The following FREM2 variants were observed in gnomAD, a reference collection of about 807,000 sequenced individuals.
FREM2 encodes FRAS1-related extracellular matrix protein 2.
In FREM2, 119 loss-of-function variants were observed where a neutral mutation model predicts 219.9. The ratio of observed to expected loss-of-function variants is 0.54; its 90% CI spans 0.47 to 0.63. FREM2 has a LOEUF of 0.63. Ranked by LOEUF, FREM2 falls within the 30% of genes least tolerant of loss-of-function variation. The pLI is 0.00. For synonymous variants in FREM2, 1,562 were observed against 1,522.8 expected, an observed-to-expected ratio of 1.03 and a Z score of -0.60; for missense variants, 4,030 against 3,993.6, an observed-to-expected ratio of 1.01 and a Z score of -0.25.
chr13:38,782,431 G>GGAGT, intron 4 of FREM2, among the ~76,000 whole-genome samples: 1 of 152,218 alleles, frequency 6.6e-6, no homozygotes, highest in Admixed American at 6.5e-5. Context: ...TATTCTGTCA[G>GGAGT]GAGTGAAAGG....
In FREM2 at chr13:38,881,395, T is replaced by C. The variant is rs1878543800; in HGVS notation, c.*608T>C. The C allele has an allele frequency of 6.4e-6, 1 of 155,366 alleles. No homozygotes were observed. The highest frequency in any genetic ancestry group is 2.0e-4 in the South Asian group (1 of 4,992). The allele number at this position is 155,366 out of a possible 1,614,324, so 9.6% of individuals were successfully genotyped here. A position where few individuals can be genotyped will look rare whatever the true frequency, so the allele number is the denominator to read the frequency against. On this transcript the variant is annotated 3_prime_UTR_variant, in exon 24 of 24. Transcript: ENST00000280481. Reference sequence around the variant, plus strand: ...GGGAAGGAAGTTCACTCACTTGAATTTGAATTGCTTCTCATTCTCATCAGA... The same window carrying C: ...GGGAAGGAAGTTCACTCACTTGAATCTGAATTGCTTCTCATTCTCATCAGA...
chr13:38,796,104 G>A (rs1442187049), intron 6 of FREM2, among the ~76,000 whole-genome samples: 1 of 152,016 alleles, frequency 6.6e-6, no homozygotes, highest in African/African-American at 2.4e-5. Context: ...TAGATAATGG[G>A]CAGAATCCAA....
chr13:38,846,455 G>A (rs1401392071), intron 6 of FREM2, 118 bp from the exon 7 acceptor site: 8 of 1,015,162 alleles, frequency 7.9e-6, no homozygotes, highest in South Asian at 1.4e-5. Flanking sequence ...AAGGAAAAAA[G>A]TATGATGATA....
At chr13:38,791,142 G>A (rs945447654) in intron 6 of FREM2, among the ~76,000 whole-genome samples, 3 of 152,112 alleles carry the variant, frequency 2.0e-5, no homozygotes, top group Non-Finnish European at 4.4e-5. Context: ...ATTTAATTTG[G>A]AACCAGTGAA....
chr13:38,713,876 C>T (rs1870878179), intron 2 of FREM2, among the ~76,000 whole-genome samples: 1 of 152,202 alleles, frequency 6.6e-6, no homozygotes, highest in African/African-American at 2.4e-5. Context: ...GACTTACCCA[C>T]TTGGGGGAAA....
intron 6 of FREM2, among the ~76,000 whole-genome samples, chr13:38,801,269 T>G (rs565602835): frequency 3.0e-4 from 45 of 152,342 alleles, no homozygotes; most frequent in African/African-American, 1.0e-3. Flanking sequence ...CTATTGTTTT[T>G]CAGAATTATC....
rs146017110 is a variant in FREM2 at position 38,859,557 on chromosome 13, A to T, written c.7486A>T (p.Met2496Leu). 3.1e-6 allele frequency: 5 copies of T among 1,613,020 alleles called. No homozygotes were observed. The African/African-American group carries it at 5.3e-5, about 17-fold the overall frequency. ...CAATGGGGATGAAGGCCTGGAGCTCATGAGCCCTATTGTAACCATCAGCAG... is the reference window on the plus strand; with the variant it reads ...CAATGGGGATGAAGGCCTGGAGCTCTTGAGCCCTATTGTAACCATCAGCAG... ...NTNGDEGLEL[M>L]SPIVTISREE... is the part of the protein sequence containing the mutation. The change falls in exon 14 of 24, where the codon ATG (methionine) becomes TTG (leucine). Residue 2496 changes from methionine (M) to leucine (L), a missense_variant. Physicochemically the swap from Met to Leu is conservative, Grantham distance 15. This residue lies in a region of FREM2 where 928 missense variants were observed against 1,042.9 expected (regional missense o/e 0.89). Coordinates refer to ENST00000280481, the MANE Select transcript of FREM2 (RefSeq NM_207361.6).
At chr13:38,839,659 A>G (rs1876869814) in intron 6 of FREM2, among the ~76,000 whole-genome samples, 1 of 152,086 alleles carries the variant, frequency 6.6e-6, no homozygotes, top group African/African-American at 2.4e-5. Context: ...TTGCCCAGAG[A>G]GGAGGAATCT....
At chr13:38,795,326 A>AT (rs71074481) in intron 6 of FREM2, among the ~76,000 whole-genome samples, 277 of 147,678 alleles carry the variant, frequency 1.9e-3, no homozygotes, top group African/African-American at 6.0e-3. Flanking sequence ...TTTCCAACAT[A>AT]TTTTTTTTTT....
chr13:38,734,953 G>T (rs1160429729), intron 2 of FREM2, among the ~76,000 whole-genome samples: 1 of 151,922 alleles, frequency 6.6e-6, no homozygotes, highest in Non-Finnish European at 1.5e-5. Flanking sequence ...TCACCATATT[G>T]GCCAGGCTGG....
intron 11 of FREM2, among the ~76,000 whole-genome samples, chr13:38,854,148 G>GA (rs1330335771): frequency 6.7e-6 from 1 of 149,126 alleles, no homozygotes; most frequent in African/African-American, 2.5e-5. Context: ...ATTAAATATA[G>GA]AAAAAAAGTT....
rs141837689 is a variant in FREM2, at chr13:38,832,176, A to G, written c.6020-14397A>G. On this transcript the variant is annotated intron_variant, in intron 6 of 23. Transcript: ENST00000280481. ...CTAAAAATACAAAAATTAGCTGGAA[A>G]TTGCTTGAACCCGGGAGGCAGAGGT... Among the ~76,000 whole-genome samples, 727 of 151,972 alleles carry G rather than the reference A, an allele frequency of 4.8e-3. 6 individuals carry two copies. The highest frequency in any genetic ancestry group is 0.016 in the African/African-American group (672 of 41,482).
chr13:38,723,163 A>T (rs1871366556), intron 2 of FREM2, among the ~76,000 whole-genome samples: 1 of 152,030 alleles, frequency 6.6e-6, no homozygotes, highest in African/African-American at 2.4e-5. Context: ...TGAACCTGGG[A>T]GGTGGAGGTT....
At chr13:38,874,793 G>GA (rs770263344) in intron 18 of FREM2, among the ~76,000 whole-genome samples, 10 of 152,148 alleles carry the variant, frequency 6.6e-5, no homozygotes, top group Non-Finnish European at 1.5e-4. Flanking sequence ...GACTTTCAGA[G>GA]AAAATGCAAA....
chr13:38,716,644 A>T (rs1487517008), intron 2 of FREM2, among the ~76,000 whole-genome samples: 1 of 152,058 alleles, frequency 6.6e-6, no homozygotes, highest in Non-Finnish European at 1.5e-5. Flanking sequence ...AGTAGCTGGG[A>T]TTACAGGCAC....
intron 16 of FREM2, among the ~76,000 whole-genome samples, chr13:38,871,616 G>C (rs1878161726): frequency 6.6e-6 from 1 of 152,152 alleles, no homozygotes; most frequent in Non-Finnish European, 1.5e-5. Context: ...GAGCCATTCA[G>C]GAGGTTTAGA....
chr13:38,714,248 T>A (rs1181092329), intron 2 of FREM2, among the ~76,000 whole-genome samples: 2 of 152,230 alleles, frequency 1.3e-5, no homozygotes, highest in South Asian at 4.1e-4. Context: ...CCTGTATTAA[T>A]CAGTGGTTGA....
chr13:38,783,932 T>A (rs1439947508), intron 5 of FREM2, among the ~76,000 whole-genome samples: 1 of 152,176 alleles, frequency 6.6e-6, no homozygotes, highest in African/African-American at 2.4e-5. Context: ...CTGCCTCTAC[T>A]AAAAATACAA....
intron 4 of FREM2, among the ~76,000 whole-genome samples, chr13:38,773,834 G>A (rs1873766668): frequency 1.3e-5 from 2 of 151,940 alleles, no homozygotes; most frequent in Admixed American, 6.6e-5. Flanking sequence ...ATAGAGCTTT[G>A]AAAACTTACC....
Sources: allele counts gnomAD v4.1 joint callset (sites outside exome capture counted in the v4.1 genomes callset), GRCh38; gene constraint gnomAD v4.1.1; regional missense constraint gnomAD v4.1.1; transcripts MANE v1.5; gene names NCBI Gene and HGNC (gene_info 2026-07-23, HGNC 2026-07-21).